PLCB1: variants seen among roughly 807,000 people sequenced by gnomAD.
PLCB1 encodes 1-phosphatidylinositol 4,5-bisphosphate phosphodiesterase beta-1.
PLCB1 carries 46 observed loss-of-function variants against 161.8 expected under a neutral mutation model. That is an observed-to-expected ratio of 0.28 (90% CI 0.22 to 0.36). The LOEUF (loss-of-function observed/expected upper bound fraction) is 0.36. PLCB1 is among the 10% of genes least tolerant of loss of function. The pLI, the probability that PLCB1 is intolerant of heterozygous loss-of-function variation, is 1.00. For synonymous variants in PLCB1, 517 were observed against 503.7 expected (o/e 1.03, Z -0.35); for missense variants, 1,016 against 1,472.5 (o/e 0.69, Z 5.07).
chr20:8,456,262 C>T (rs1024936766), intron 3 of PLCB1, among the ~76,000 whole-genome samples: 1 of 152,142 alleles, frequency 6.6e-6, no homozygotes, highest in African/African-American at 2.4e-5. Flanking sequence ...ACCTGCCCTC[C>T]AAAAGCTTGT....
In PLCB1 at chr20:8,757,109, G is replaced by T. The variant is rs751858663; in HGVS notation, c.2587G>T (p.Gly863Trp). 6.2e-6 allele frequency: 10 copies of T among 1,613,434 alleles called. No individual in the cohort carries two copies. The South Asian group carries it at 1.1e-4, about 18-fold the overall frequency. The change falls in exon 24 of 32, where the codon GGG becomes TGG. Residue 863 changes from glycine to tryptophan, a missense_variant. Gly to Trp is a radical substitution (Grantham distance 184). Around this residue, in one of 10 missense-constraint regions of PLCB1, gnomAD observed 398 missense variants for 445.4 expected, o/e 0.89. Coordinates refer to ENST00000338037, the MANE Select transcript of PLCB1 (RefSeq NM_015192.4). ...SEARTTPAENGVNHTTTLTPK... is the reference protein window; with the variant it reads ...SEARTTPAENWVNHTTTLTPK... ...AGCGAGAACGACTCCAGCAGAAAAT[G>T]GGGTGAATCACACTACAACCCTGAC...
At chr20:8,583,631 C>A (rs991186508) in intron 3 of PLCB1, among the ~76,000 whole-genome samples, 13 of 152,132 alleles carry the variant, frequency 8.5e-5, no homozygotes, top group Admixed American at 7.9e-4. Flanking sequence ...CCTGAGCTTA[C>A]TGGAATATCA....
At chr20:8,368,541 A>G (rs1986797365) in intron 2 of PLCB1, among the ~76,000 whole-genome samples, 1 of 151,306 alleles carries the variant, frequency 6.6e-6, no homozygotes, top group African/African-American at 2.4e-5. Flanking sequence ...AAAAAAAAAA[A>G]AAAAAAAAAG....
intron 31 of PLCB1, chr20:8,802,196 G>A (rs773731747): frequency 1.5e-4 from 189 of 1,280,498 alleles, no homozygotes; most frequent in Admixed American, 2.1e-4. Context: ...GGGAGGGGTC[G>A]CTTTTGAGAG....
At chr20:8,735,698 G>T (rs1334002553) in intron 19 of PLCB1, among the ~76,000 whole-genome samples, 2 of 152,178 alleles carry the variant, frequency 1.3e-5, no homozygotes, top group Non-Finnish European at 2.9e-5. Flanking sequence ...TTCCAAGTAG[G>T]ACTTGCATAA....
intron 1 of PLCB1, among the ~76,000 whole-genome samples, chr20:8,143,514 A>C (rs927974394): frequency 3.3e-5 from 5 of 152,248 alleles, no homozygotes; most frequent in Non-Finnish European, 5.9e-5. Flanking sequence ...TTGCGGAGAC[A>C]GATGCTAAGC....
chr20:8,465,992 A>G (rs1221379225), intron 3 of PLCB1, among the ~76,000 whole-genome samples: 7 of 147,818 alleles, frequency 4.7e-5, no homozygotes, highest in Admixed American at 1.4e-4. Context: ...CCAAAGGACT[A>G]TAAATCATGC....
At chr20:8,215,821 A>G (rs1979091805) in intron 2 of PLCB1, among the ~76,000 whole-genome samples, 1 of 151,944 alleles carries the variant, frequency 6.6e-6, no homozygotes, top group African/African-American at 2.4e-5. Flanking sequence ...ATATTAGACA[A>G]TCTGCCATAA....
chr20:8,518,182 A>G (rs1477855491), intron 3 of PLCB1, among the ~76,000 whole-genome samples: 1 of 97,388 alleles, frequency 1.0e-5, no homozygotes, highest in Middle Eastern at 4.9e-3. Context: ...CTCTGTCTCA[A>G]AAAAAAAAAA....
At chr20:8,803,887 G>A (rs6056129) in intron 31 of PLCB1, among the ~76,000 whole-genome samples, 138,110 of 152,064 alleles carry the variant, frequency 0.91, 63,224 homozygotes, top group Non-Finnish European at 0.96. Flanking sequence ...TCCACCTCCC[G>A]GGTTCAAGTG....
chr20:8,326,424 A>G (rs1044750064), intron 2 of PLCB1, among the ~76,000 whole-genome samples: 3 of 152,210 alleles, frequency 2.0e-5, no homozygotes. Flanking sequence ...AAGGCCAAAG[A>G]ATAGGCGATT....
chr20:8,211,572 T>A (rs2123144795), intron 2 of PLCB1, among the ~76,000 whole-genome samples: 1 of 152,234 alleles, frequency 6.6e-6, no homozygotes, highest in East Asian at 1.9e-4. Flanking sequence ...GGGATATAGA[T>A]TGGTCTATAT....
chr20:8,439,020 T>C lies in PLCB1; in HGVS notation c.246+67570T>C, dbSNP rs117291208. Among the ~76,000 whole-genome samples, 469 of 152,322 alleles carry C rather than the reference T, an allele frequency of 3.1e-3. 2 individuals are homozygous for C. Among genetic ancestry groups the C allele is most frequent in the South Asian group, 0.017 (80 of 4,828 alleles). ...AGCGACGTGCTCTCGTAAGGTCATC[T>C]TAGAAGACCACTCTCTCCAATTATT... On this transcript the variant is annotated intron_variant, in intron 3 of 31. Transcript: ENST00000338037.
chr20:8,838,075 A>T (rs1369268366), intron 31 of PLCB1, among the ~76,000 whole-genome samples: 3 of 5,424 alleles, frequency 5.5e-4, no homozygotes, highest in African/African-American at 1.3e-3. Flanking sequence ...TGTCAAATAA[A>T]AAAAAAAAAA....
intron 3 of PLCB1, among the ~76,000 whole-genome samples, chr20:8,378,420 A>G (rs950951993): frequency 5.9e-5 from 9 of 152,262 alleles, no homozygotes; most frequent in Admixed American, 1.3e-4. Flanking sequence ...TGATTACACT[A>G]TACTGTAGTC....
At chr20:8,551,470 A>G (rs190790427) in intron 3 of PLCB1, among the ~76,000 whole-genome samples, 3 of 152,324 alleles carry the variant, frequency 2.0e-5, no homozygotes, top group Non-Finnish European at 4.4e-5. Context: ...CCTGGCACAG[A>G]TATGTTCTTC....
chr20:8,873,490 A>G (rs1987675411), intron 31 of PLCB1, among the ~76,000 whole-genome samples: 1 of 152,096 alleles, frequency 6.6e-6, no homozygotes, highest in Admixed American at 6.5e-5. Flanking sequence ...TATTTTATAG[A>G]AATTATATTA....
intron 31 of PLCB1, among the ~76,000 whole-genome samples, chr20:8,845,150 A>C (rs1022635982): frequency 3.9e-5 from 6 of 152,238 alleles, no homozygotes; most frequent in African/African-American, 9.6e-5. Flanking sequence ...AAAGTACTAG[A>C]TTATGTTTTT....
chr20:8,526,088 G>A (rs538458752), intron 3 of PLCB1, among the ~76,000 whole-genome samples: 4 of 152,118 alleles, frequency 2.6e-5, no homozygotes, highest in African/African-American at 7.2e-5. Context: ...CATGATCAGC[G>A]GTGGAGATAC....
Sources: allele counts gnomAD v4.1 joint callset (sites outside exome capture counted in the v4.1 genomes callset), GRCh38; gene constraint gnomAD v4.1.1; regional missense constraint gnomAD v4.1.1; transcripts MANE v1.5; gene names NCBI Gene and HGNC (gene_info 2026-07-23, HGNC 2026-07-21).